PTPRF: variants seen among roughly 807,000 people sequenced by gnomAD.
PTPRF encodes receptor-type tyrosine-protein phosphatase F.
PTPRF carries 59 observed loss-of-function variants against 201.8 expected under a neutral mutation model. The observed-to-expected ratio is 0.29, with a 90% CI of 0.24 to 0.36. The LOEUF (loss-of-function observed/expected upper bound fraction) is 0.36, where lower values mean the gene tolerates loss of function less well. Ranked by LOEUF, PTPRF falls within the 10% of genes least tolerant of loss-of-function variation. The pLI, the probability that PTPRF is intolerant of heterozygous loss-of-function variation, is 1.00. For synonymous variants in PTPRF, 1,088 were observed against 1,089.7 expected, an observed-to-expected ratio of 1.00 and a Z score of 0.03; for missense variants, 2,132 against 2,690.5, an observed-to-expected ratio of 0.79 and a Z score of 4.59.
At chr1:43,525,124 G>C (rs1026903414), upstream of PTPRF, 1 of 152,282 alleles carries the variant, frequency 6.6e-6, no homozygotes, top group Non-Finnish European at 1.5e-5. Context: ...TAAAATGCTG[G>C]ACCTTGGCAT....
rs750770062 is a variant in PTPRF at position 43,619,216 on chromosome 1, G to A, written c.4646+14G>A. 7 of 1,607,610 alleles carry A rather than the reference G, an allele frequency of 4.4e-6. No individual in the cohort carries two copies. The highest frequency in any genetic ancestry group is 1.7e-5 in the Admixed American group (1 of 59,580). Reference sequence around the variant, plus strand: ...GGTGCACTGCAGGTGAGAGGGTACAGTGCCACCCAGAGGGGTGGGTGGGGT... The same window carrying A: ...GGTGCACTGCAGGTGAGAGGGTACAATGCCACCCAGAGGGGTGGGTGGGGT... On this transcript the variant is annotated intron_variant, in intron 27 of 33. Coordinates refer to ENST00000359947, the MANE Select transcript of PTPRF (RefSeq NM_002840.5).
chr1:43,591,666 A>G, intron 9 of PTPRF, 113 bp downstream of exon 9: 4 of 1,436,382 alleles, frequency 2.8e-6, no homozygotes, highest in Non-Finnish European at 3.7e-6. Context: ...TGGGAGGATC[A>G]AGGTGCCGTA....
At chr1:43,602,232 G>A (rs1653938839) in intron 14 of PTPRF, 135 bp downstream of exon 14, 1 of 1,101,672 alleles carries the variant, frequency 9.1e-7, no homozygotes, top group Non-Finnish European at 1.4e-6. Context: ...GAGAAAATTG[G>A]CGTTTAGACA....
At chr1:43,606,991 CGGGAACG>C (rs1557842048) in intron 21 of PTPRF, 23 bp downstream of exon 21, 1 of 1,610,004 alleles carries the variant, frequency 6.2e-7, no homozygotes, top group Non-Finnish European at 8.5e-7. Flanking sequence ...CTCAGAGCTC[CGGGAACG>C]GCCACCTGCC....
At chr1:43,524,303 C>G (rs572528098), upstream of PTPRF, among the ~76,000 whole-genome samples, 2 of 152,182 alleles carry the variant, frequency 1.3e-5, no homozygotes, top group Non-Finnish European at 2.9e-5. Context: ...GAATTCACCA[C>G]TCTATAATTC....
chr1:43,614,807 A>G (rs976923652), intron 23 of PTPRF, among the ~76,000 whole-genome samples: 2 of 152,156 alleles, frequency 1.3e-5, no homozygotes, highest in Non-Finnish European at 2.9e-5. Flanking sequence ...AGCCAAGGTC[A>G]TGCCATTGCG....
rs565403720 is a variant in PTPRF, at chr1:43,537,524, G to A, written c.-125-674G>A. Among the ~76,000 whole-genome samples, 1 of 152,328 alleles carries A rather than the reference G, an allele frequency of 6.6e-6. No homozygotes were observed. The highest frequency in any genetic ancestry group is 2.1e-4 in the South Asian group (1 of 4,830). On this transcript the variant is annotated intron_variant, in intron 1 of 33. Coordinates refer to ENST00000359947, the MANE Select transcript of PTPRF (RefSeq NM_002840.5). The surrounding 1 kb of genome is among the most constrained non-coding windows in gnomAD (Gnocchi z 4.8). ...GGCGCTGGGGATACGGAAATGAGCT[G>A]GGCAGCCACAGTCCATGCTCCTATC...
In PTPRF at chr1:43,620,128, T is replaced by G. The variant is rs750665563; in HGVS notation, c.5145T>G (p.Pro1715=). Residue 1715 remains proline (P), a synonymous_variant, in exon 30 of 34, where the codon CCT becomes CCG. Coordinates refer to ENST00000359947, the MANE Select transcript of PTPRF (RefSeq NM_002840.5). ...QQKAYIATQG[P]LAESTEDFWR... ...AGGCCTACATAGCTACACAGGGGCC[T>G]CTGGCAGAGAGCACCGAGGACTTCT... 1.2e-6 allele frequency: 2 copies of G among 1,613,972 alleles called. No individual in the cohort carries two copies. The highest frequency in any genetic ancestry group is 2.7e-5 in the African/African-American group (2 of 74,898).
chr1:43,552,125 AT>A (rs1177649895), intron 3 of PTPRF, among the ~76,000 whole-genome samples: 1 of 145,238 alleles, frequency 6.9e-6, no homozygotes, highest in Non-Finnish European at 1.5e-5. Context: ...GAAAAAAAAA[AT>A]TCACAAACCT....
At position 43,613,729 on chromosome 1, in the gene PTPRF, G is replaced by A. The variant is rs375153357; in HGVS notation, c.4071+14G>A. 11 of 1,607,954 alleles carry A rather than the reference G, an allele frequency of 6.8e-6. No homozygotes were observed. Among genetic ancestry groups the A allele is most frequent in the African/African-American group, 2.7e-5 (2 of 74,762 alleles). ...CAGGAGTATGAGGTGAGATGTTCCCGCCCCCTACCATGTGCCTGGCCCAGG... is the reference window on the plus strand; with the variant it reads ...CAGGAGTATGAGGTGAGATGTTCCCACCCCCTACCATGTGCCTGGCCCAGG... On this transcript the variant is annotated intron_variant, in intron 23 of 33. Coordinates refer to ENST00000359947, the MANE Select transcript of PTPRF (RefSeq NM_002840.5).
At chr1:43,576,984 T>A (rs1646970975) in intron 6 of PTPRF, among the ~76,000 whole-genome samples, 1 of 152,172 alleles carries the variant, frequency 6.6e-6, no homozygotes, top group Non-Finnish European at 1.5e-5. Context: ...TGACTCTTTG[T>A]TGTCCCTGCT....
chr1:43,599,610 G>A (rs1570507937), intron 13 of PTPRF, among the ~76,000 whole-genome samples: 1 of 152,180 alleles, frequency 6.6e-6, no homozygotes, highest in East Asian at 1.9e-4. Flanking sequence ...CTGCTGGCCA[G>A]CCTCACACCT....
At chr1:43,578,080 C>G (rs1047584428) in intron 6 of PTPRF, among the ~76,000 whole-genome samples, 3 of 152,256 alleles carry the variant, frequency 2.0e-5, no homozygotes, top group Admixed American at 1.3e-4. Context: ...CACCCCGATC[C>G]TGGCTCCTGT....
chr1:43,616,992 C>G (rs2154032777), intron 23 of PTPRF, among the ~76,000 whole-genome samples: 1 of 152,174 alleles, frequency 6.6e-6, no homozygotes, highest in East Asian at 1.9e-4. Flanking sequence ...AGGGAGGGAT[C>G]CTGGACTACC....
intron 11 of PTPRF, 39 bp downstream of exon 11, chr1:43,592,640 C>CT: frequency 1.3e-6 from 2 of 1,540,956 alleles, no homozygotes; most frequent in Non-Finnish European, 1.7e-6. Context: ...TACACCTGGG[C>CT]TGGGACACAC....
rs1456209694 is a variant in PTPRF, at chr1:43,546,978, G to A, written c.91+1812G>A. On this transcript the variant is annotated intron_variant, in intron 3 of 33. Coordinates refer to ENST00000359947, the MANE Select transcript of PTPRF (RefSeq NM_002840.5). The surrounding 1 kb of genome is among the most constrained non-coding windows in gnomAD (Gnocchi z 4.2). ...CTTTTGCACGCAACAGCCTCCTGACGGTTTCCCTGCCTCCAGTCTTTTCCT... is the reference window on the plus strand; with the variant it reads ...CTTTTGCACGCAACAGCCTCCTGACAGTTTCCCTGCCTCCAGTCTTTTCCT... Among the ~76,000 whole-genome samples the A allele has an allele frequency of 5.3e-5, 8 of 152,136 alleles. No individual in the cohort carries two copies. The highest frequency in any genetic ancestry group is 1.3e-4 in the Admixed American group (2 of 15,274).
rs970051568 is a variant in PTPRF at position 43,604,549 on chromosome 1, A to G, written c.3038-354A>G. Among the ~76,000 whole-genome samples the G allele has an allele frequency of 3.9e-5, 6 of 152,274 alleles. No homozygotes were observed. In the East Asian group the frequency reaches 1.2e-3, roughly 29 times the overall value. ...CGACCTCTAGTGAACATGCTCCACC[A>G]CGCTCTGGTGTGTGGCCACATGCTT... On this transcript the variant is annotated intron_variant, in intron 16 of 33. Coordinates refer to ENST00000359947, the MANE Select transcript of PTPRF (RefSeq NM_002840.5).
intron 11 of PTPRF, 70 bp from the exon 12 acceptor site, chr1:43,597,676 CTG>C (rs1267495244): frequency 7.2e-6 from 8 of 1,116,738 alleles, no homozygotes; most frequent in Non-Finnish European, 1.0e-5. Context: ...CTCCAGTCCA[CTG>C]TGACTCAGTC....
rs537513752 is a variant in PTPRF, at chr1:43,589,410, C to T, written c.949+410C>T. On this transcript the variant is annotated intron_variant, in intron 8 of 33. Coordinates refer to ENST00000359947, the MANE Select transcript of PTPRF (RefSeq NM_002840.5). ...ACTTAAACCCAGTGTGGTCTGAATC[C>T]ATATCTCACCCTCACCACTACATAG... is the stretch of plus-strand genomic sequence containing the variant. Among the ~76,000 whole-genome samples the T allele has an allele frequency of 2.1e-5, 3 of 141,022 alleles. No individual in the cohort carries two copies. The South Asian group carries it at 7.0e-4, about 33-fold the overall frequency. The allele number at this position is 141,022 out of a possible 152,430, so 92.5% of individuals were successfully genotyped here.
Sources: gnomAD v4.1 joint callset for allele counts (sites outside exome capture counted in the v4.1 genomes callset) on GRCh38, gnomAD v4.1.1 for gene constraint, Gnocchi (gnomAD v3.1) non-coding constraint, MANE v1.5 for transcripts, NCBI Gene and HGNC (gene_info 2026-07-23, HGNC 2026-07-21) for gene names.